Variants in RNF40 observed in about 807,000 individuals in gnomAD.
RNF40 encodes E3 ubiquitin-protein ligase BRE1B.
Under a neutral mutation model 123.3 loss-of-function variants are expected in RNF40, and 39 were observed. The observed-to-expected ratio is 0.32, with a 90% CI of 0.24 to 0.41. The LOEUF is 0.41. RNF40 is among the 10% of genes least tolerant of loss of function. The pLI is 1.00. For missense variants in RNF40, 1,003 were observed against 1,319.9 expected (o/e 0.76, Z 3.72); for synonymous variants, 538 against 526.0 (o/e 1.02, Z -0.31).
At chr16:30,763,910 T>C (rs1361327779) in intron 4 of RNF40, among the ~76,000 whole-genome samples, 1 of 152,144 alleles carries the variant, frequency 6.6e-6, no homozygotes, top group African/African-American at 2.4e-5. Flanking sequence ...GGAATGATTG[T>C]GTGTGCATGC....
rs2054079008 is a variant in RNF40, at chr16:30,768,378, G to A, written c.1827G>A (p.Arg609=). The change falls in exon 13 of 20, where the codon AGG becomes AGA. Residue 609 remains arginine (R), a synonymous_variant. Transcript: ENST00000324685. The surrounding 1 kb of genome is among the most constrained non-coding windows in gnomAD (Gnocchi z 4.1). The part of the protein sequence containing the change: ...PSSRGREPEA[R]PKRELREREG... ...CCCGGGGCCGAGAACCTGAGGCCAG[G>A]CCCAAGCGGGAGCTTCGGGAACGGG... The A allele has an allele frequency of 1.9e-6, 3 of 1,613,582 alleles. No homozygotes were observed. The highest frequency in any genetic ancestry group is 1.3e-5 in the African/African-American group (1 of 74,930).
chr16:30,765,041 C>T lies in RNF40; in HGVS notation c.753C>T (p.His251=), dbSNP rs1193396386. The part of the protein sequence containing the change: ...QDLATQLQEK[H]HRISLEYSEL... ...TGGCCACTCAGCTGCAGGAGAAACACCACCGCATCTCATTGGAGGTGAGGA... is the reference window on the plus strand; with the variant it reads ...TGGCCACTCAGCTGCAGGAGAAACATCACCGCATCTCATTGGAGGTGAGGA... Residue 251 remains histidine, a synonymous_variant, in exon 6 of 20, where the codon CAC becomes CAT. Coordinates refer to ENST00000324685, the MANE Select transcript of RNF40 (RefSeq NM_014771.4). 2.5e-6 allele frequency: 4 copies of T among 1,614,084 alleles called. No homozygotes were observed. Among genetic ancestry groups the T allele is most frequent in the African/African-American group, 1.3e-5 (1 of 75,026 alleles).
Position 30,766,653 on chromosome 16 carries a change from G to A in RNF40, c.1294-88G>A, listed in dbSNP as rs2054037977. 1 of 1,589,100 alleles carries A rather than the reference G, an allele frequency of 6.3e-7. No individual in the cohort carries two copies. The highest frequency in any genetic ancestry group is 8.6e-7 in the Non-Finnish European group (1 of 1,165,724). On this transcript the variant is annotated intron_variant, in intron 10 of 19. Coordinates refer to ENST00000324685, the MANE Select transcript of RNF40 (RefSeq NM_014771.4). The surrounding 1 kb of genome is among the most constrained non-coding windows in gnomAD (Gnocchi z 5.4). ...TCCGAGGCCCTGTGTGCCAGCCAGG[G>A]GTCCCTGGGGAATAGATTCTTCCTA...
chr16:30,770,189 C>T (rs2054123521), intron 17 of RNF40, among the ~76,000 whole-genome samples: 1 of 141,500 alleles, frequency 7.1e-6, no homozygotes, highest in Non-Finnish European at 1.5e-5. Flanking sequence ...TCACTGCAAC[C>T]TCCGCCTCCC....
upstream of RNF40, chr16:30,762,276 T>C: frequency 2.4e-6 from 1 of 420,068 alleles, no homozygotes; most frequent in Non-Finnish European, 4.2e-6. Context: ...CTGCGCACCG[T>C]TGGGGGGGGG....
Position 30,762,470 on chromosome 16 carries a change from T to G in RNF40, c.-71-5T>G. The G allele has an allele frequency of 1.4e-6, 2 of 1,434,000 alleles. No individual in the cohort carries two copies. Among genetic ancestry groups the G allele is most frequent in the Admixed American group, 5.0e-5 (2 of 39,894 alleles). The allele number at this position is 1,434,000 out of a possible 1,614,324, so 88.8% of individuals were successfully genotyped here. On this transcript the variant is annotated splice_polypyrimidine_tract_variant and splice_region_variant and intron_variant, in intron 1 of 19. Coordinates refer to ENST00000324685, the MANE Select transcript of RNF40 (RefSeq NM_014771.4). ...TCCCACATCTCTGCTCTGTGTCTTC[T>G]GCAGGTGACGGAAGTACCGCCTCCT...
intron 6 of RNF40, 46 bp downstream of exon 6, chr16:30,765,105 T>G: frequency 6.2e-7 from 1 of 1,611,008 alleles, no homozygotes; most frequent in South Asian, 1.1e-5. Context: ...TCAGGCAGGA[T>G]TTGGGTTAGA....
At chr16:30,761,753 C>G, upstream of RNF40, 1 of 1,518,328 alleles carries the variant, frequency 6.6e-7, no homozygotes. Flanking sequence ...GAGCATCTCG[C>G]CGCTCTTCCG....
chr16:30,773,989 A>T lies in RNF40; in HGVS notation c.2881A>T (p.Thr961Ser). Residue 961 changes from threonine to serine, a missense_variant, in exon 20 of 20, where the codon ACC (threonine) becomes TCC (serine). By Grantham distance (58) the Thr-to-Ser change is moderately conservative. Coordinates refer to ENST00000324685, the MANE Select transcript of RNF40 (RefSeq NM_014771.4). The part of the protein sequence containing the change: ...CNTRKKDAVL[T>S]KCFHVFCFEC... ...CACCCGCAAGAAGGATGCAGTCCTT[A>T]CCAAGTGCTTCCACGTTTTCTGCTT... The T allele has an allele frequency of 1.9e-6, 3 of 1,614,080 alleles. No individual in the cohort carries two copies. The highest frequency in any genetic ancestry group is 2.5e-6 in the Non-Finnish European group (3 of 1,179,916).
rs138471194 is a variant in RNF40 at position 30,769,483 on chromosome 16, C to T, written c.2469C>T (p.Ala823=). The change falls in exon 17 of 20, where the codon GCC becomes GCT. Residue 823 remains alanine (A), a synonymous_variant. Transcript: ENST00000324685. The part of the protein sequence containing the change: ...QVLGLKSQVD[A]QLLTVQKLEE... ...CCTCCTCTGGTCCTTAGGTGGATGC[C>T]CAGCTGCTGACTGTGCAGAAGCTAG... 5.0e-6 allele frequency: 8 copies of T among 1,613,498 alleles called. No homozygotes were observed. Among genetic ancestry groups the T allele is most frequent in the Non-Finnish European group, 6.8e-6 (8 of 1,179,702 alleles).
intron 6 of RNF40, 53 bp from the exon 7 acceptor site, chr16:30,765,128 G>T: frequency 6.2e-7 from 1 of 1,611,678 alleles, no homozygotes; most frequent in East Asian, 2.2e-5. Flanking sequence ...GGCACTCAGG[G>T]ACCTCAGGAA....
Sources: allele counts gnomAD v4.1 joint callset (sites outside exome capture counted in the v4.1 genomes callset), GRCh38; gene constraint gnomAD v4.1.1; non-coding constraint Gnocchi (gnomAD v3.1); transcripts MANE v1.5; gene names NCBI Gene and HGNC (gene_info 2026-07-23, HGNC 2026-07-21).